NASP: variants seen among roughly 807,000 people sequenced by gnomAD.
The protein encoded by NASP is nuclear autoantigenic sperm protein, also known as NASP histone chaperone.
In NASP, 24 loss-of-function variants were observed where a neutral mutation model predicts 89.5. The observed-to-expected ratio is 0.27, with a 90% CI of 0.19 to 0.38. NASP has a LOEUF of 0.38. Among genes scored for constraint, NASP ranks in the 10% least tolerant of loss-of-function variants. NASP has a pLI of 1.00. For synonymous variants in NASP, 306 were observed against 324.7 expected (o/e 0.94, Z 0.62); for missense variants, 848 against 921.4 (o/e 0.92, Z 1.03).
intron 6 of NASP, chr1:45,611,087 C>G (rs1449671748): frequency 6.6e-6 from 1 of 152,078 alleles, no homozygotes; most frequent in Non-Finnish European, 1.5e-5. Context: ...CAAAGTTAGA[C>G]CAGATGGATG....
intron 2 of NASP, among the ~76,000 whole-genome samples, chr1:45,597,824 T>G (rs900710129): frequency 6.6e-6 from 1 of 152,178 alleles, no homozygotes; most frequent in African/African-American, 2.4e-5. Flanking sequence ...AGAACTCCTT[T>G]AGTTCTTTAT....
rs770120084 is a variant in NASP, at chr1:45,607,839, G to C, written c.928G>C (p.Gly310Arg). The C allele has an allele frequency of 6.2e-7, 1 of 1,614,200 alleles. No homozygotes were observed. The highest frequency in any genetic ancestry group is 2.2e-5 in the East Asian group (1 of 44,880). The change falls in exon 6 of 15, where the codon GGT becomes CGT. Residue 310 changes from glycine (G) to arginine (R), a missense_variant. By Grantham distance (125) the Gly-to-Arg change is moderately radical. This residue lies in a region of NASP where 464 missense variants were observed against 469.4 expected (regional missense o/e 0.99). Transcript: ENST00000350030. The part of the protein sequence containing the change: ...LDPTVKPVDV[G>R]GDEPEEKVVT... ...CCCGACAGTCAAGCCAGTGGATGTG[G>C]GTGGGGACGAGCCAGAGGAGAAGGT...
chr1:45,601,582 C>A (rs913360539), intron 2 of NASP, among the ~76,000 whole-genome samples: 1 of 151,864 alleles, frequency 6.6e-6, no homozygotes, highest in Admixed American at 6.6e-5. Flanking sequence ...TGCCTCTTGC[C>A]CTGTTTACCT....
At chr1:45,603,952 C>T (rs1374154551) in intron 3 of NASP, among the ~76,000 whole-genome samples, 1 of 152,186 alleles carries the variant, frequency 6.6e-6, no homozygotes, top group South Asian at 2.1e-4. Context: ...TGTCTTACAA[C>T]ATAAAATGTT....
At chr1:45,608,791 A>G (rs894708032) in intron 6 of NASP, among the ~76,000 whole-genome samples, 9 of 152,316 alleles carry the variant, frequency 5.9e-5, no homozygotes, top group African/African-American at 2.2e-4. Context: ...GGAAGCAGCT[A>G]CAGAGCAGTA....
chr1:45,607,563 G>A lies in NASP; in HGVS notation c.652G>A (p.Ala218Thr). 6.2e-7 allele frequency: 1 copy of A among 1,613,960 alleles called. No individual in the cohort carries two copies. The highest frequency in any genetic ancestry group is 8.5e-7 in the Non-Finnish European group (1 of 1,179,894). The change falls in exon 6 of 15, where the codon GCA (alanine) becomes ACA (threonine). Residue 218 changes from alanine to threonine, a missense_variant. By Grantham distance (58) the Ala-to-Thr change is moderately conservative (BLOSUM62 0). Transcript: ENST00000350030. Reference sequence around the variant, plus strand: ...CTCTGAAGAGGCAAAAGGAGGAGCAGCACCAGAAGGACCGAATGAAGCTGA... The same window carrying A: ...CTCTGAAGAGGCAAAAGGAGGAGCAACACCAGAAGGACCGAATGAAGCTGA... Reference protein sequence around the residue: ...ETSEEAKGGAAPEGPNEAEVT... With the variant: ...ETSEEAKGGATPEGPNEAEVT...
At chr1:45,601,745 ATTTTTTTTTTTTT>A (rs71056316) in intron 2 of NASP, among the ~76,000 whole-genome samples, 4 of 68,936 alleles carry the variant, frequency 5.8e-5, no homozygotes, top group East Asian at 4.9e-4. Context: ...CGTTAAGAGA[ATTTTTTTTTTTTT>A]TTTTTTTTTT....
chr1:45,616,913 C>G (rs1644116108), intron 13 of NASP, among the ~76,000 whole-genome samples: 1 of 152,270 alleles, frequency 6.6e-6, no homozygotes, highest in African/African-American at 2.4e-5. Context: ...GGCGCAGTCT[C>G]GGCTCACTGA....
intron 1 of NASP, among the ~76,000 whole-genome samples, chr1:45,586,263 TGTGTGTGTGTGTGTGTGTGTG>T (rs1343324277): frequency 1.2e-3 from 84 of 67,962 alleles, no homozygotes; most frequent in Middle Eastern, 6.5e-3. Flanking sequence ...TGTGTGTGTG[TGTGTGTGTGTGTGTGTGTGTG>T]GTGTGTGTGT....
chr1:45,592,367 C>G (rs1643573017), intron 2 of NASP, among the ~76,000 whole-genome samples: 1 of 152,214 alleles, frequency 6.6e-6, no homozygotes. Flanking sequence ...CCTGCCTTGG[C>G]TTCCCTAAGT....
rs962163505 is a variant in NASP, at chr1:45,584,822, C to T, written c.59+617C>T. ...CTGCGGCTCCAGCAGGAGCTTTGGA[C>T]TATCTCCGTGGGGCCGGCGAGGCTA... On this transcript the variant is annotated intron_variant, in intron 1 of 14. Coordinates refer to ENST00000350030, the MANE Select transcript of NASP (RefSeq NM_002482.4). Among the ~76,000 whole-genome samples the T allele has an allele frequency of 2.0e-5, 3 of 152,312 alleles. No individual in the cohort carries two copies. The Middle Eastern group carries it at 0.01, about 518-fold the overall frequency.
chr1:45,587,381 G>C (rs1570943347), intron 1 of NASP, among the ~76,000 whole-genome samples: 2 of 151,680 alleles, frequency 1.3e-5, no homozygotes. Flanking sequence ...ATGTTGGCCA[G>C]GGTGATCTCG....
chr1:45,607,112 A>T (rs1643919788), intron 5 of NASP, among the ~76,000 whole-genome samples: 1 of 152,218 alleles, frequency 6.6e-6, no homozygotes, highest in Non-Finnish European at 1.5e-5. Context: ...TACCTAGTGT[A>T]ACAAGCTTGG....
At chr1:45,586,771 C>G (rs539023939) in intron 1 of NASP, among the ~76,000 whole-genome samples, 29 of 152,154 alleles carry the variant, frequency 1.9e-4, no homozygotes, top group African/African-American at 6.7e-4. Flanking sequence ...TAAGAATGTA[C>G]ATTATAATTC....
At chr1:45,584,334 CGGG>C in intron 1 of NASP, 129 bp downstream of exon 1, 6 of 77,166 alleles carry the variant, frequency 7.8e-5, no homozygotes, top group Non-Finnish European at 1.1e-4. Flanking sequence ...TGTCGCTGTT[CGGG>C]AAGGCCTGGT....
intron 6 of NASP, 113 bp downstream of exon 6, chr1:45,608,450 G>A: frequency 9.0e-7 from 1 of 1,116,850 alleles, no homozygotes; most frequent in Non-Finnish European, 1.3e-6. Context: ...CTTTGGATTA[G>A]GAAAGGGCTA....
intron 6 of NASP, chr1:45,610,016 T>A (rs1643976175): frequency 1.3e-5 from 2 of 152,336 alleles, no homozygotes; most frequent in Admixed American, 1.3e-4. Context: ...CTGGCCAATA[T>A]GTTGAAACTT....
intron 1 of NASP, among the ~76,000 whole-genome samples, chr1:45,590,562 A>G (rs1412165118): frequency 6.6e-6 from 1 of 151,278 alleles, no homozygotes; most frequent in Non-Finnish European, 1.5e-5. Context: ...AAAAAAAAAA[A>G]AAAAAGAAAA....
intron 3 of NASP, among the ~76,000 whole-genome samples, chr1:45,604,306 T>G (rs188804333): frequency 2.0e-5 from 3 of 152,360 alleles, no homozygotes; most frequent in Admixed American, 2.0e-4. Context: ...TTCTTCCTTC[T>G]GTCTAGATAT....
Sources: allele counts gnomAD v4.1 joint callset (sites outside exome capture counted in the v4.1 genomes callset), GRCh38; gene constraint gnomAD v4.1.1; regional missense constraint gnomAD v4.1.1; transcripts MANE v1.5; gene names NCBI Gene and HGNC (gene_info 2026-07-23, HGNC 2026-07-21).